The following RNF182 variants were observed in gnomAD, a reference collection of about 807,000 sequenced individuals.
RNF182 encodes E3 ubiquitin-protein ligase RNF182.
Under a neutral mutation model 14.4 loss-of-function variants are expected in RNF182, and 15 were observed. That is an observed-to-expected ratio of 1.04 (90% CI 0.70 to 1.60). The LOEUF is 1.60. Among genes scored for constraint, RNF182 ranks in the 40% most tolerant of loss-of-function variants. The pLI is 0.00. For missense variants in RNF182, 268 were observed against 294.8 expected (o/e 0.91, Z 0.67); for synonymous variants, 128 against 122.9 (o/e 1.04, Z -0.27).
rs1760442912 is a variant in RNF182 at position 13,979,706 on chromosome 6, A to G, written c.*1843A>G. On this transcript the variant is annotated 3_prime_UTR_variant, in exon 3 of 3. Coordinates refer to ENST00000488300, the MANE Select transcript of RNF182 (RefSeq NM_152737.4). ...ATATTTGTAAGGTTTTTTTAAAAAA[A>G]TGTTCGTTTTGTTTGAAATGTAACA... 6.0e-6 allele frequency: 1 copy of G among 166,914 alleles called. No homozygotes were observed. Among genetic ancestry groups the G allele is most frequent in the Non-Finnish European group, 1.5e-5 (1 of 68,108 alleles). The allele number at this position is 166,914 out of a possible 1,614,324, so 10.3% of individuals were successfully genotyped here.
At chr6:13,955,596 C>T (rs1340055071) in intron 1 of RNF182, among the ~76,000 whole-genome samples, 1 of 152,222 alleles carries the variant, frequency 6.6e-6, no homozygotes, top group Non-Finnish European at 1.5e-5. Context: ...GGAGGAGCCC[C>T]ATGGCTGGTG....
intron 1 of RNF182, among the ~76,000 whole-genome samples, chr6:13,969,176 T>G (rs1418362224): frequency 6.6e-6 from 1 of 152,182 alleles, no homozygotes; most frequent in Non-Finnish European, 1.5e-5. Context: ...TTAATATTTT[T>G]GGCTTTATTC....
intron 1 of RNF182, among the ~76,000 whole-genome samples, chr6:13,972,956 C>T (rs1215754895): frequency 2.6e-5 from 4 of 152,198 alleles, no homozygotes; most frequent in Admixed American, 2.6e-4. Context: ...CCATAGACAG[C>T]TTGTACCATG....
At chr6:13,969,563 C>A (rs1760124059) in intron 1 of RNF182, among the ~76,000 whole-genome samples, 1 of 152,132 alleles carries the variant, frequency 6.6e-6, no homozygotes, top group South Asian at 2.1e-4. Context: ...CCTAGGTAGA[C>A]AATAACAACA....
At chr6:13,941,551 G>A (rs568167995) in intron 1 of RNF182, among the ~76,000 whole-genome samples, 1 of 151,714 alleles carries the variant, frequency 6.6e-6, no homozygotes, top group South Asian at 2.1e-4. Flanking sequence ...AATATAATTG[G>A]GTTTAAACTT....
intron 1 of RNF182, among the ~76,000 whole-genome samples, chr6:13,929,814 A>G (rs1221927467): frequency 6.6e-6 from 1 of 152,236 alleles, no homozygotes; most frequent in Non-Finnish European, 1.5e-5. Flanking sequence ...AAGTGTAGAA[A>G]TAATGACACT....
intron 1 of RNF182, among the ~76,000 whole-genome samples, chr6:13,941,189 T>G (rs999453258): frequency 7.2e-5 from 11 of 152,138 alleles, no homozygotes; most frequent in African/African-American, 2.7e-4. Context: ...AGATGATGAA[T>G]TTTTCTACCT....
chr6:13,927,139 G>A (rs929165712), intron 1 of RNF182, among the ~76,000 whole-genome samples: 1 of 152,180 alleles, frequency 6.6e-6, no homozygotes, highest in Non-Finnish European at 1.5e-5. Context: ...CTGCTTGGTT[G>A]TAGTGGCTTA....
intron 1 of RNF182, among the ~76,000 whole-genome samples, chr6:13,925,637 T>A (rs548745516): frequency 5.2e-4 from 79 of 152,280 alleles, no homozygotes; most frequent in African/African-American, 1.8e-3. Context: ...AAGACCAGAA[T>A]GTAGAGCAGT....
chr6:13,980,222 T>TTTTATTTTAG lies in RNF182; in HGVS notation c.*2368_*2369insGTTTATTTTA, dbSNP rs1727438295. 1 of 149,352 alleles carries TTTTATTTTAG rather than the reference T, an allele frequency of 6.7e-6. No individual in the cohort carries two copies. The highest frequency in any genetic ancestry group is 1.5e-5 in the Non-Finnish European group (1 of 67,290). 9.3% of individuals were successfully genotyped at this position (149,352 alleles called of 1,614,324 possible). A position where few individuals can be genotyped will look rare whatever the true frequency, so the allele number is the denominator to read the frequency against. On this transcript the variant is annotated 3_prime_UTR_variant, in exon 3 of 3. Coordinates refer to ENST00000488300, the MANE Select transcript of RNF182 (RefSeq NM_152737.4). ...AGTTTTTTTATTTTATTTTATTTTA[T>TTTTATTTTAG]TTTATTTTATTTTATTTTATTTATT...
chr6:13,962,273 C>T (rs1759902244), intron 1 of RNF182, among the ~76,000 whole-genome samples: 1 of 152,126 alleles, frequency 6.6e-6, no homozygotes, highest in South Asian at 2.1e-4. Context: ...GACTCAAGCT[C>T]CATAAATAAT....
At chr6:13,925,582 A>G (rs1436205591) in intron 1 of RNF182, among the ~76,000 whole-genome samples, 1 of 152,144 alleles carries the variant, frequency 6.6e-6, no homozygotes, top group Non-Finnish European at 1.5e-5. Context: ...GTGCAGTTGC[A>G]CCTATAACTG....
intron 1 of RNF182, among the ~76,000 whole-genome samples, chr6:13,925,982 A>C (rs1162046443): frequency 1.3e-5 from 2 of 151,960 alleles, no homozygotes; most frequent in African/African-American, 4.8e-5. Flanking sequence ...TTTTTTTGGT[A>C]CTTAGACATC....
At chr6:13,968,259 G>T (rs1045709991) in intron 1 of RNF182, among the ~76,000 whole-genome samples, 2 of 152,172 alleles carry the variant, frequency 1.3e-5, no homozygotes, top group African/African-American at 4.8e-5. Flanking sequence ...GGGCAGAGGT[G>T]ATGCAAAGAC....
chr6:13,956,597 T>G lies in RNF182; in HGVS notation c.-366-17613T>G, dbSNP rs9476030. 7.5e-3 allele frequency among the ~76,000 whole-genome samples: 1,148 copies of G among 152,294 alleles called. 14 individuals are homozygous for G. The highest frequency in any genetic ancestry group is 0.027 in the African/African-American group (1,107 of 41,576). ...GTCTTGGCCTCCCAGAGTGCTGGGATTACCTGCGTGAGCCAATGCTCCCGG... is the reference window on the plus strand; with the variant it reads ...GTCTTGGCCTCCCAGAGTGCTGGGAGTACCTGCGTGAGCCAATGCTCCCGG... On this transcript the variant is annotated intron_variant, in intron 1 of 2. Transcript: ENST00000488300.
chr6:13,938,941 G>C (rs1472839084), intron 1 of RNF182, among the ~76,000 whole-genome samples: 1 of 152,168 alleles, frequency 6.6e-6, no homozygotes, highest in Non-Finnish European at 1.5e-5. Flanking sequence ...AAATAAGCCA[G>C]GTGTGGTGGT....
rs143192850 is a variant in RNF182 at position 13,952,570 on chromosome 6, G to A, written c.-366-21640G>A. 5.8e-4 allele frequency among the ~76,000 whole-genome samples: 89 copies of A among 152,184 alleles called. 1 individual carries two copies. The highest frequency in any genetic ancestry group is 2.1e-3 in the African/African-American group (89 of 41,514). ...GTATCCTACGGTTTATCCAAAGTCG[G>A]CCAATTGGTGCTGTGCAGACGATTT... is the stretch of plus-strand genomic sequence containing the variant. On this transcript the variant is annotated intron_variant, in intron 1 of 2. Transcript: ENST00000488300.
intron 1 of RNF182, among the ~76,000 whole-genome samples, chr6:13,931,593 G>A (rs1180044765): frequency 6.6e-6 from 1 of 151,950 alleles, no homozygotes; most frequent in Non-Finnish European, 1.5e-5. Flanking sequence ...TGAATAGTAA[G>A]GAATAAACCC....
chr6:13,946,560 C>T (rs903085684), intron 1 of RNF182, among the ~76,000 whole-genome samples: 1 of 152,092 alleles, frequency 6.6e-6, no homozygotes, highest in Non-Finnish European at 1.5e-5. Context: ...TTTGTTAAGT[C>T]CTGGGTCTGT....
Sources: gnomAD v4.1 joint callset for allele counts (sites outside exome capture counted in the v4.1 genomes callset) on GRCh38, gnomAD v4.1.1 for gene constraint, MANE v1.5 for transcripts, NCBI Gene and HGNC (gene_info 2026-07-23, HGNC 2026-07-21) for gene names.